The following OR5P3 variants were observed in gnomAD, a reference collection of about 807,000 sequenced individuals.
The protein encoded by OR5P3 is olfactory receptor 5P3.
For synonymous variants in OR5P3, 172 were observed against 141.8 expected, an observed-to-expected ratio of 1.21 and a Z score of -1.51; for missense variants, 415 against 375.6, an observed-to-expected ratio of 1.10 and a Z score of -0.87.
In OR5P3 at chr11:7,825,792, T is replaced by A. The variant is rs1357279518; in HGVS notation, c.181A>T (p.Ile61Phe). 2 of 1,612,996 alleles carry A rather than the reference T, an allele frequency of 1.2e-6. No homozygotes were observed. The highest frequency in any genetic ancestry group is 3.3e-5 in the Admixed American group (2 of 59,948). Residue 61 changes from isoleucine to phenylalanine, a missense_variant, in exon 2 of 2, where the codon ATT becomes TTT. Transcript: ENST00000641167. ...RSHHLHTPMY[I>F]FLCHLAFVDI... is the part of the protein sequence containing the mutation. ...ACAAAGGCCAAATGGCAGAGGAAAA[T>A]GTACATGGGTGTATGAAGATGATGA...
In OR5P3 at chr11:7,825,907, T is replaced by A; in HGVS notation, c.66A>T (p.Thr22=). 6.2e-7 allele frequency: 1 copy of A among 1,606,886 alleles called. No individual in the cohort carries two copies. The highest frequency in any genetic ancestry group is 8.5e-7 in the Non-Finnish European group (1 of 1,174,938). Residue 22 remains threonine, a synonymous_variant, in exon 2 of 2, where the codon ACA becomes ACT. Coordinates refer to ENST00000641167, the MANE Select transcript of OR5P3 (RefSeq NM_153445.2). ...FTLLGLSEDT[T]VCAILFLVFL... ...ACACAAGAAATAAAATAGCACAAAC[T>A]GTAGTATCCTCAGATAACCCCAAAA...
chr11:7,827,489 G>A (rs1204359048), intron 1 of OR5P3, among the ~76,000 whole-genome samples: 2 of 152,052 alleles, frequency 1.3e-5, no homozygotes, highest in African/African-American at 4.8e-5. Flanking sequence ...TCTTTTTTCT[G>A]AGCAACGAAA....
Position 7,825,673 on chromosome 11 carries a change from C to A in OR5P3, c.300G>T (p.Gln100His). ...TACCAAACGTCACTACAGAACAGAG[C>A]TGGGCCACACAACCAGCAACAGGGA... Reference protein sequence around the residue: ...TSLPVAGCVAQLCSVVTFGTA... With the variant: ...TSLPVAGCVAHLCSVVTFGTA... Residue 100 changes from glutamine to histidine, a missense_variant, in exon 2 of 2, where the codon CAG (glutamine) becomes CAT (histidine). Gln to His is a conservative substitution (Grantham distance 24). Coordinates refer to ENST00000641167, the MANE Select transcript of OR5P3 (RefSeq NM_153445.2). 1 of 1,613,104 alleles carries A rather than the reference C, an allele frequency of 6.2e-7. No individual in the cohort carries two copies. Among genetic ancestry groups the A allele is most frequent in the South Asian group, 1.1e-5 (1 of 91,086 alleles).
At chr11:7,830,206 A>G (rs1482799) in intron 1 of OR5P3, among the ~76,000 whole-genome samples, 136,711 of 152,180 alleles carry the variant, frequency 0.9, 62,021 homozygotes, top group Non-Finnish European at 0.96. Flanking sequence ...ACATGCATAC[A>G]CACACACACA....
Position 7,825,788 on chromosome 11 carries a change from A to C in OR5P3, c.185T>G (p.Phe62Cys). 5.0e-6 allele frequency: 8 copies of C among 1,613,236 alleles called. No individual in the cohort carries two copies. The highest frequency in any genetic ancestry group is 5.9e-6 in the Non-Finnish European group (7 of 1,179,958). The change falls in exon 2 of 2, where the codon TTC becomes TGC. Residue 62 changes from phenylalanine (F) to cysteine (C), a missense_variant. Coordinates refer to ENST00000641167, the MANE Select transcript of OR5P3 (RefSeq NM_153445.2). ...SHHLHTPMYI[F>C]LCHLAFVDIG... ...GTCTACAAAGGCCAAATGGCAGAGG[A>C]AAATGTACATGGGTGTATGAAGATG... is the stretch of plus-strand genomic sequence containing the variant.
Position 7,827,496 on chromosome 11 carries a change from G to A in OR5P3, c.-21-1503C>T, listed in dbSNP as rs149175222. On this transcript the variant is annotated intron_variant, in intron 1 of 1. Coordinates refer to ENST00000641167, the MANE Select transcript of OR5P3 (RefSeq NM_153445.2). Reference sequence around the variant, plus strand: ...TAAGATTTTCTTTTTTCTGAGCAACGAAAGGGACAGATATGGAATGTTAGG... The same window carrying A: ...TAAGATTTTCTTTTTTCTGAGCAACAAAAGGGACAGATATGGAATGTTAGG... Among the ~76,000 whole-genome samples the A allele has an allele frequency of 9.9e-5, 15 of 152,192 alleles. No individual in the cohort carries two copies. In the East Asian group the frequency reaches 1.5e-3, roughly 16 times the overall value.
chr11:7,829,722 T>C (rs1164640890), intron 1 of OR5P3, among the ~76,000 whole-genome samples: 1 of 152,186 alleles, frequency 6.6e-6, no homozygotes, highest in Non-Finnish European at 1.5e-5. Context: ...TTTGCTTCTA[T>C]GTATCTTAAG....
chr11:7,826,155 C>T (rs989147126), intron 1 of OR5P3, among the ~76,000 whole-genome samples, 162 bp from the exon 2 acceptor site: 7 of 151,862 alleles, frequency 4.6e-5, no homozygotes, highest in Admixed American at 3.9e-4. Context: ...GACTTTAAAA[C>T]ATAAATGTTC....
Position 7,825,181 on chromosome 11 carries a change from G to T in OR5P3, c.792C>A (p.Ser264=), listed in dbSNP as rs761192033. ...CCTTGTTCTGGTCAGTTGAGTAGCT[G>T]GACTTGGGCATCACATAAATGAAGG... is the stretch of plus-strand genomic sequence containing the variant. ...TITFIYVMPK[S]SYSTDQNKVV... is the part of the protein sequence containing the mutation. Residue 264 remains serine (S), a synonymous_variant, in exon 2 of 2, where the codon TCC becomes TCA. Coordinates refer to ENST00000641167, the MANE Select transcript of OR5P3 (RefSeq NM_153445.2). 6.2e-6 allele frequency: 10 copies of T among 1,609,174 alleles called. No individual in the cohort carries two copies. Among genetic ancestry groups the T allele is most frequent in the Non-Finnish European group, 7.6e-6 (9 of 1,180,004 alleles).
intron 1 of OR5P3, among the ~76,000 whole-genome samples, chr11:7,828,201 C>G (rs1857766675): frequency 6.6e-6 from 1 of 152,054 alleles, no homozygotes; most frequent in South Asian, 2.1e-4. Flanking sequence ...TCAGGGACAG[C>G]CAAGTGTCTG....
intron 1 of OR5P3, among the ~76,000 whole-genome samples, chr11:7,829,845 A>G (rs1274047711): frequency 6.6e-6 from 1 of 152,192 alleles, no homozygotes; most frequent in African/African-American, 2.4e-5. Flanking sequence ...CAGACCATAC[A>G]GAGGGAGCCA....
chr11:7,826,007 A>G lies in OR5P3; in HGVS notation c.-21-14T>C. The G allele has an allele frequency of 4.5e-6, 5 of 1,121,114 alleles. No individual in the cohort carries two copies. Among genetic ancestry groups the G allele is most frequent in the Non-Finnish European group, 6.4e-6 (5 of 779,290 alleles). 69.4% of individuals were successfully genotyped at this position (1,121,114 alleles called of 1,614,324 possible). A position where few individuals can be genotyped will look rare whatever the true frequency, so the allele number is the denominator to read the frequency against. On this transcript the variant is annotated splice_polypyrimidine_tract_variant and intron_variant, in intron 1 of 1. Transcript: ENST00000641167. ...GAATGGTGCCAACTGAAAGAAAAAC[A>G]AATGAATATTATAATGGGATTAAAT... is the stretch of plus-strand genomic sequence containing the variant.
chr11:7,825,316 G>A lies in OR5P3; in HGVS notation c.657C>T (p.Ile219=), dbSNP rs1365363428. 5.6e-6 allele frequency: 9 copies of A among 1,613,122 alleles called. No individual in the cohort carries two copies. Among genetic ancestry groups the A allele is most frequent in the Non-Finnish European group, 7.6e-6 (9 of 1,180,040 alleles). ...ATVCVIAISY[I]YILITILKMH... is the part of the protein sequence containing the mutation. ...TCTTCAGGATGGTGATGAGGATATA[G>A]ATGTAGGATATGGCTATGACACACA... is the stretch of plus-strand genomic sequence containing the variant. Residue 219 remains isoleucine (I), a synonymous_variant, in exon 2 of 2, where the codon ATC becomes ATT. Transcript: ENST00000641167.
chr11:7,827,626 G>A (rs1857759371), intron 1 of OR5P3, among the ~76,000 whole-genome samples: 1 of 152,140 alleles, frequency 6.6e-6, no homozygotes, highest in African/African-American at 2.4e-5. Flanking sequence ...TAGCCTTTCT[G>A]CAAGGATTGA....
At chr11:7,828,054 T>C (rs1430831560) in intron 1 of OR5P3, among the ~76,000 whole-genome samples, 1 of 151,978 alleles carries the variant, frequency 6.6e-6, no homozygotes, top group South Asian at 2.1e-4. Context: ...TGGGTATTTG[T>C]AGGTAGGAAG....
rs761519702 is a variant in OR5P3 at position 7,825,155 on chromosome 11, A to C, written c.818T>G (p.Val273Gly). 1 of 1,613,472 alleles carries C rather than the reference A, an allele frequency of 6.2e-7. No homozygotes were observed. The highest frequency in any genetic ancestry group is 1.7e-5 in the Admixed American group (1 of 59,986). ...CACCACGGTGTAGAACACAGACACC[A>C]CCTTGTTCTGGTCAGTTGAGTAGCT... is the stretch of plus-strand genomic sequence containing the variant. ...KSSYSTDQNKVVSVFYTVVIP... is the reference protein window; with the variant it reads ...KSSYSTDQNKGVSVFYTVVIP... Residue 273 changes from valine to glycine, a missense_variant, in exon 2 of 2, where the codon GTG becomes GGG. Val to Gly is a moderately radical substitution (Grantham distance 109). Coordinates refer to ENST00000641167, the MANE Select transcript of OR5P3 (RefSeq NM_153445.2).
intron 1 of OR5P3, among the ~76,000 whole-genome samples, chr11:7,830,075 C>T (rs11041593): frequency 0.57 from 86,272 of 152,042 alleles, 26,879 homozygotes; most frequent in Middle Eastern, 0.71. Context: ...ATAATTCTCT[C>T]TTTAAAGATC....
chr11:7,828,570 C>T (rs1159170628), intron 1 of OR5P3, among the ~76,000 whole-genome samples: 1 of 152,098 alleles, frequency 6.6e-6, no homozygotes, highest in Admixed American at 6.6e-5. Flanking sequence ...CTCAGCTGAC[C>T]TGGAGTGACT....
At position 7,825,361 on chromosome 11, in the gene OR5P3, T is replaced by A. The variant is rs118170338; in HGVS notation, c.612A>T (p.Gly204=). Residue 204 remains glycine (G), a synonymous_variant, in exon 2 of 2, where the codon GGA becomes GGT. Transcript: ENST00000641167. The part of the protein sequence containing the change: ...TFEIIPAISS[G]SIIVATVCVI... ...CACACACAGTGGCCACAATGATAGA[T>A]CCAGAAGAGATAGCTGGAATTATTT... 173 of 1,612,950 alleles carry A rather than the reference T, an allele frequency of 1.1e-4. 3 individuals are homozygous for A. In the East Asian group the frequency reaches 2.6e-3, roughly 24 times the overall value.
Sources: gnomAD v4.1 joint callset for allele counts (sites outside exome capture counted in the v4.1 genomes callset) on GRCh38, gnomAD v4.1.1 for gene constraint, MANE v1.5 for transcripts, NCBI Gene and HGNC (gene_info 2026-07-23, HGNC 2026-07-21) for gene names.